NRXN1: variants seen among roughly 807,000 people sequenced by gnomAD.
The protein encoded by NRXN1 is neurexin-1.
Under a neutral mutation model 150.9 loss-of-function variants are expected in NRXN1, and 39 were observed. The ratio of observed to expected loss-of-function variants is 0.26; its 90% confidence interval spans 0.20 to 0.34. The LOEUF (loss-of-function observed/expected upper bound fraction) is 0.34, where lower values mean the gene tolerates loss of function less well. NRXN1 is among the 10% of genes least tolerant of loss of function. The pLI is 1.00. For synonymous variants in NRXN1, 924 were observed against 757.0 expected, an observed-to-expected ratio of 1.22 and a Z score of -3.62; for missense variants, 1,815 against 1,949.9, an observed-to-expected ratio of 0.93 and a Z score of 1.30.
At position 50,091,184 on chromosome 2, in the gene NRXN1, T is replaced by C. The variant is rs1229329585; in HGVS notation, c.3718+139A>G. 5 of 960,746 alleles carry C rather than the reference T, an allele frequency of 5.2e-6. No individual in the cohort carries two copies. The highest frequency in any genetic ancestry group is 8.2e-6 in the Non-Finnish European group (5 of 609,982). 59.5% of individuals were successfully genotyped at this position (960,746 alleles called of 1,614,324 possible). The stretch of plus-strand genomic sequence containing the variant: ...AAGAACAGTTTAGGACAGCATTACA[T>C]TCACATGACTCTAAAGTCCAATAAA... On this transcript the variant is annotated intron_variant, in intron 19 of 22. Coordinates refer to ENST00000401669, the MANE Select transcript of NRXN1 (RefSeq NM_001330078.2).
intron 5 of NRXN1, among the ~76,000 whole-genome samples, chr2:50,858,459 G>A (rs772962968): frequency 1.2e-4 from 19 of 152,056 alleles, no homozygotes; most frequent in Middle Eastern, 6.8e-3. Flanking sequence ...TTTAAGTTGA[G>A]TAACAGCTTT....
At chr2:50,759,578 T>C (rs944673468) in intron 5 of NRXN1, among the ~76,000 whole-genome samples, 3 of 151,856 alleles carry the variant, frequency 2.0e-5, no homozygotes, top group Admixed American at 1.3e-4. Context: ...AGAAAAAGCA[T>C]TGAAAATAAT....
intron 5 of NRXN1, among the ~76,000 whole-genome samples, chr2:50,791,127 T>C (rs1396686519): frequency 2.7e-5 from 4 of 148,560 alleles, no homozygotes; most frequent in Non-Finnish European, 6.0e-5. Context: ...ATCAAAATGT[T>C]TTTTTTTTTT....
chr2:50,813,992 A>T (rs1337625157), intron 5 of NRXN1, among the ~76,000 whole-genome samples: 1 of 152,212 alleles, frequency 6.6e-6, no homozygotes, highest in Non-Finnish European at 1.5e-5. Context: ...TTAAAAATGA[A>T]GACTGCTTAT....
intron 5 of NRXN1, among the ~76,000 whole-genome samples, chr2:50,702,644 C>T (rs1341350861): frequency 1.3e-5 from 2 of 151,964 alleles, no homozygotes; most frequent in Admixed American, 1.3e-4. Context: ...TTTTAAACTT[C>T]TCTTAGCCAA....
At chr2:50,481,756 G>GTTTTTTTT (rs1553677617) in intron 15 of NRXN1, among the ~76,000 whole-genome samples, 1 of 67,662 alleles carries the variant, frequency 1.5e-5, no homozygotes, top group African/African-American at 6.8e-5. Flanking sequence ...CTGAACTTTT[G>GTTTTTTTT]TTTCTTTTTT....
At chr2:49,958,427 C>T (rs1675351345) in intron 21 of NRXN1, among the ~76,000 whole-genome samples, 1 of 152,138 alleles carries the variant, frequency 6.6e-6, no homozygotes, top group South Asian at 2.1e-4. Context: ...CATTTACAGT[C>T]TGTCTCACTC....
chr2:50,166,282 T>TGC (rs1491103225), intron 18 of NRXN1, among the ~76,000 whole-genome samples: 2 of 30,800 alleles, frequency 6.5e-5, no homozygotes, highest in African/African-American at 3.2e-4. Context: ...TCAACGTATG[T>TGC]GTGTGTGTGT....
rs111618895 is a variant in NRXN1 at position 50,112,020 on chromosome 2, G to GT, written c.3547-20527dup. Among the ~76,000 whole-genome samples the GT allele has an allele frequency of 2.2e-3, 324 of 147,358 alleles. 4 individuals are homozygous for GT. The highest frequency in any genetic ancestry group is 4.9e-3 in the African/African-American group (199 of 40,418). The stretch of plus-strand genomic sequence containing the variant: ...CCACTTTTCCATCAAAATTGTCTGA[G>GT]TTTTTTTTTTTCCTTTAATAGCTGC... On this transcript the variant is annotated intron_variant, in intron 18 of 22. Coordinates refer to ENST00000401669, the MANE Select transcript of NRXN1 (RefSeq NM_001330078.2).
At chr2:50,286,239 T>C (rs1364983875) in intron 17 of NRXN1, among the ~76,000 whole-genome samples, 2 of 152,102 alleles carry the variant, frequency 1.3e-5, no homozygotes, top group African/African-American at 4.8e-5. Context: ...ACTTCTCCTA[T>C]CTAACTGAAA....
At chr2:50,524,935 C>A (rs1450282018) in intron 12 of NRXN1, among the ~76,000 whole-genome samples, 1 of 152,056 alleles carries the variant, frequency 6.6e-6, no homozygotes, top group African/African-American at 2.4e-5. Flanking sequence ...TTATTGGGCA[C>A]CAAACTTGAA....
At chr2:50,753,234 T>C (rs963768138) in intron 5 of NRXN1, among the ~76,000 whole-genome samples, 13 of 151,928 alleles carry the variant, frequency 8.6e-5, no homozygotes, top group African/African-American at 2.9e-4. Context: ...ATGGTTATAA[T>C]TGTAGAATGA....
chr2:50,499,284 C>T (rs1206044817), intron 13 of NRXN1, among the ~76,000 whole-genome samples: 1 of 152,176 alleles, frequency 6.6e-6, no homozygotes, highest in African/African-American at 2.4e-5. Flanking sequence ...CTGGAAACAA[C>T]ATTCTACTCA....
intron 5 of NRXN1, among the ~76,000 whole-genome samples, chr2:50,748,662 T>C (rs947780631): frequency 2.0e-5 from 3 of 152,064 alleles, no homozygotes; most frequent in African/African-American, 7.2e-5. Context: ...TCTGTGGTAA[T>C]TGATAGCTTT....
At chr2:50,148,099 A>T (rs1003889131) in intron 18 of NRXN1, among the ~76,000 whole-genome samples, 10 of 151,734 alleles carry the variant, frequency 6.6e-5, no homozygotes, top group African/African-American at 2.4e-4. Flanking sequence ...ATATATTCAC[A>T]CAAGCATATG....
chr2:50,067,919 T>G (rs1695604254), intron 19 of NRXN1, among the ~76,000 whole-genome samples: 1 of 152,124 alleles, frequency 6.6e-6, no homozygotes, highest in Admixed American at 6.5e-5. Flanking sequence ...AATTGGAAAA[T>G]TATGTGGTTC....
intron 18 of NRXN1, among the ~76,000 whole-genome samples, chr2:50,185,114 G>T (rs1247144904): frequency 2.0e-5 from 3 of 152,086 alleles, no homozygotes; most frequent in African/African-American, 7.2e-5. Flanking sequence ...GAGAATGAGA[G>T]AAACTGAATG....
At chr2:49,942,763 C>T (rs958151265) in intron 22 of NRXN1, among the ~76,000 whole-genome samples, 1 of 152,060 alleles carries the variant, frequency 6.6e-6, no homozygotes, top group Non-Finnish European at 1.5e-5. Flanking sequence ...GTGCACAGCA[C>T]CACACCTGGC....
chr2:50,671,835 T>G (rs1688898345), intron 5 of NRXN1, among the ~76,000 whole-genome samples: 1 of 151,842 alleles, frequency 6.6e-6, no homozygotes, highest in African/African-American at 2.4e-5. Context: ...CACATAAAAC[T>G]TTAGAGAACA....
Sources: allele counts gnomAD v4.1 joint callset (sites outside exome capture counted in the v4.1 genomes callset), GRCh38; gene constraint gnomAD v4.1.1; transcripts MANE v1.5; gene names NCBI Gene and HGNC (gene_info 2026-07-23, HGNC 2026-07-21).